Variants in LARP1 observed in about 807,000 individuals in gnomAD.
LARP1 encodes La ribonucleoprotein 1, translational regulator.
A neutral mutation model predicts 122.7 loss-of-function variants in LARP1; 36 were observed. The ratio of observed to expected loss-of-function variants is 0.29; its 90% CI spans 0.22 to 0.39. The LOEUF (loss-of-function observed/expected upper bound fraction) is 0.39, where lower values mean the gene tolerates loss of function less well. Ranked by LOEUF, LARP1 falls within the 10% of genes least tolerant of loss-of-function variation. The pLI is 1.00. For synonymous variants in LARP1, 539 were observed against 528.7 expected (o/e 1.02, Z -0.27); for missense variants, 1,040 against 1,403.6 (o/e 0.74, Z 4.14).
chr5:154,722,513 G>A (rs932968491), intron 1 of LARP1, among the ~76,000 whole-genome samples: 6 of 152,064 alleles, frequency 3.9e-5, no homozygotes. Context: ...AGACCAGCCG[G>A]TAGCACATGG....
At chr5:154,743,483 A>G (rs1753019422) in intron 1 of LARP1, among the ~76,000 whole-genome samples, 1 of 150,456 alleles carries the variant, frequency 6.6e-6, no homozygotes, top group Non-Finnish European at 1.5e-5. Context: ...TAATTTTTGT[A>G]TTTTTAGTAG....
chr5:154,764,391 C>G (rs1384633485), intron 1 of LARP1, among the ~76,000 whole-genome samples: 2 of 146,460 alleles, frequency 1.4e-5, no homozygotes, highest in Non-Finnish European at 3.0e-5. Flanking sequence ...ATCACTTGAG[C>G]GCAGGAGTTC....
chr5:154,707,788 T>A (rs1211942913), intron 1 of LARP1, among the ~76,000 whole-genome samples: 1 of 152,194 alleles, frequency 6.6e-6, no homozygotes, highest in Non-Finnish European at 1.5e-5. Context: ...AGTGGGTTGC[T>A]TATGTCCAGT....
At chr5:154,732,240 C>T (rs1321775677) in intron 1 of LARP1, among the ~76,000 whole-genome samples, 2 of 149,234 alleles carry the variant, frequency 1.3e-5, no homozygotes, top group South Asian at 4.2e-4. Context: ...TATAATTTAC[C>T]AATTATAGTC....
At chr5:154,758,481 G>A (rs979554073) in intron 1 of LARP1, among the ~76,000 whole-genome samples, 3 of 152,210 alleles carry the variant, frequency 2.0e-5, no homozygotes, top group Non-Finnish European at 2.9e-5. Flanking sequence ...TAGGGTTTGT[G>A]TGCATTTTGA....
intron 1 of LARP1, among the ~76,000 whole-genome samples, chr5:154,783,706 A>G (rs1756642819): frequency 6.6e-6 from 1 of 151,830 alleles, no homozygotes; most frequent in African/African-American, 2.4e-5. Context: ...AACACGATCA[A>G]GATTAAGAGA....
intron 1 of LARP1, among the ~76,000 whole-genome samples, chr5:154,702,381 C>G (rs893092041): frequency 5.9e-5 from 9 of 151,938 alleles, no homozygotes; most frequent in African/African-American, 2.2e-4. Context: ...CATGGTGAAA[C>G]CCCATCTCTA....
At chr5:154,725,835 GTCT>G (rs765561047) in intron 1 of LARP1, among the ~76,000 whole-genome samples, 15 of 151,848 alleles carry the variant, frequency 9.9e-5, no homozygotes, top group African/African-American at 2.7e-4. Flanking sequence ...AATATTTCAG[GTCT>G]TCTTCTTCTT....
At chr5:154,728,880 C>T (rs1756388079) in intron 1 of LARP1, among the ~76,000 whole-genome samples, 1 of 152,154 alleles carries the variant, frequency 6.6e-6, no homozygotes. Context: ...AGAGAAGTCA[C>T]TGTGGTGCCC....
Position 154,799,626 on chromosome 5 carries a change from T to C in LARP1, c.1413T>C (p.Asp471=). The part of the protein sequence containing the change: ...LKDSKVVEIV[D]EKVRRREEPE... ...ACAGCAAGGTGGTGGAGATCGTTGA[T>C]GAGAAAGTTCGTAGGAGGGAGGAAC... Residue 471 remains aspartate (D), a synonymous_variant, in exon 9 of 19, where the codon GAT becomes GAC. Transcript: ENST00000518297. 2 of 1,613,700 alleles carry C rather than the reference T, an allele frequency of 1.2e-6. No individual in the cohort carries two copies. Among genetic ancestry groups the C allele is most frequent in the Non-Finnish European group, 1.7e-6 (2 of 1,179,626 alleles).
intron 1 of LARP1, among the ~76,000 whole-genome samples, chr5:154,734,162 C>G (rs1349747496): frequency 6.7e-6 from 1 of 150,080 alleles, no homozygotes; most frequent in Non-Finnish European, 1.5e-5. Context: ...AGTGAAACTC[C>G]CTCTCAAAAA....
At position 154,794,263 on chromosome 5, in the gene LARP1, G is replaced by A; in HGVS notation, c.1232+1G>A. ...TCAAAGACTACATCAAGCGCCAGAT[G>A]TGAGTGTGCGGAAGCCTTCTTACCC... On this transcript the variant is annotated splice_donor_variant, in intron 7 of 18. Coordinates refer to ENST00000518297, the MANE Select transcript of LARP1 (RefSeq NM_033551.3). LOFTEE classifies it high-confidence loss of function. The A allele has an allele frequency of 1.2e-6, 2 of 1,613,852 alleles. No homozygotes were observed. Among genetic ancestry groups the A allele is most frequent in the Non-Finnish European group, 1.7e-6 (2 of 1,179,750 alleles).
intron 1 of LARP1, among the ~76,000 whole-genome samples, chr5:154,691,447 G>A (rs1468936327): frequency 6.6e-6 from 1 of 152,136 alleles, no homozygotes; most frequent in African/African-American, 2.4e-5. Flanking sequence ...CGACGTGGCC[G>A]CCTGGCCGCC....
rs1451769942 is a variant in LARP1, at chr5:154,793,734, C to T, written c.868+11C>T. ...GCGGAGAGATCAAAGGTATGCACTACCCACTATGGAGGGCCTGGACTTGGG... is the reference window on the plus strand; with the variant it reads ...GCGGAGAGATCAAAGGTATGCACTATCCACTATGGAGGGCCTGGACTTGGG... On this transcript the variant is annotated intron_variant, in intron 5 of 18. Coordinates refer to ENST00000518297, the MANE Select transcript of LARP1 (RefSeq NM_033551.3). The T allele has an allele frequency of 1.2e-6, 2 of 1,614,038 alleles. No homozygotes were observed. Among genetic ancestry groups the T allele is most frequent in the African/African-American group, 1.3e-5 (1 of 74,932 alleles).
chr5:154,777,148 A>G (rs965452155), intron 1 of LARP1, among the ~76,000 whole-genome samples: 3 of 152,210 alleles, frequency 2.0e-5, no homozygotes, highest in African/African-American at 4.8e-5. Flanking sequence ...GCATGTTCCT[A>G]TACTGAATAC....
At chr5:154,692,482 C>A (rs562198027) in intron 1 of LARP1, among the ~76,000 whole-genome samples, 1 of 152,058 alleles carries the variant, frequency 6.6e-6, no homozygotes, top group Non-Finnish European at 1.5e-5. Context: ...CCACCTCCTA[C>A]TTCCTCAAGC....
At chr5:154,792,201 G>A (rs932208439) in intron 3 of LARP1, among the ~76,000 whole-genome samples, 6 of 152,226 alleles carry the variant, frequency 3.9e-5, no homozygotes, top group Admixed American at 3.3e-4. Flanking sequence ...CAGCACTTTT[G>A]TTCTGGCCAG....
chr5:154,761,351 C>G (rs891122025), intron 1 of LARP1, among the ~76,000 whole-genome samples: 1 of 151,972 alleles, frequency 6.6e-6, no homozygotes, highest in Non-Finnish European at 1.5e-5. Context: ...TCCTGAGGGT[C>G]GGGGTCTTTC....
chr5:154,690,698 G>A (rs926216973), intron 1 of LARP1, among the ~76,000 whole-genome samples: 3 of 152,198 alleles, frequency 2.0e-5, no homozygotes, highest in Admixed American at 1.3e-4. Flanking sequence ...GGACTCCCAG[G>A]CACGATGGGC....
Sources: gnomAD v4.1 joint callset for allele counts (sites outside exome capture counted in the v4.1 genomes callset) on GRCh38, gnomAD v4.1.1 for gene constraint, MANE v1.5 for transcripts, NCBI Gene and HGNC (gene_info 2026-07-23, HGNC 2026-07-21) for gene names.